Variants in UQCC1 observed in about 807,000 individuals in gnomAD.
UQCC1 encodes the protein bFGF-repressed Zic-binding protein.
Under a neutral mutation model 48.0 loss-of-function variants are expected in UQCC1, and 38 were observed. The observed-to-expected ratio is 0.79, with a 90% CI of 0.61 to 1.04. The LOEUF (loss-of-function observed/expected upper bound fraction) is 1.04, where lower values mean the gene tolerates loss of function less well. Among genes scored for constraint, UQCC1 ranks in the 50% least tolerant of loss-of-function variants. UQCC1 has a pLI of 0.00. For synonymous variants in UQCC1, 111 were observed against 129.2 expected, an observed-to-expected ratio of 0.86 and a Z score of 0.95; for missense variants, 368 against 381.8, an observed-to-expected ratio of 0.96 and a Z score of 0.30.
intron 1 of UQCC1, among the ~76,000 whole-genome samples, chr20:35,395,980 CTTTT>C (rs1000858624): frequency 2.0e-5 from 2 of 99,204 alleles, no homozygotes; most frequent in Non-Finnish European, 3.8e-5. Flanking sequence ...TTTGCAATGT[CTTTT>C]TTTTTTTTTT....
chr20:35,374,185 T>G lies in UQCC1; in HGVS notation c.405A>C (p.Leu135=), dbSNP rs1568690446. 6.2e-7 allele frequency: 1 copy of G among 1,609,976 alleles called. No homozygotes were observed. Among genetic ancestry groups the G allele is most frequent in the South Asian group, 1.1e-5 (1 of 90,630 alleles). The change falls in exon 5 of 10, where the codon CTA becomes CTC. Residue 135 remains leucine (L), a splice_region_variant and synonymous_variant. Coordinates refer to ENST00000374385, the MANE Select transcript of UQCC1 (RefSeq NM_018244.5). Reference sequence around the variant, plus strand: ...CAGTACTATCAAACAATAACTTACTTAGAAAGAATTCCTCGAAGTCAGTTT... The same window carrying G: ...CAGTACTATCAAACAATAACTTACTGAGAAAGAATTCCTCGAAGTCAGTTT... ...VEKTDFEEFF[L]RCQMPDTFNS... is the part of the protein sequence containing the mutation.
intron 2 of UQCC1, among the ~76,000 whole-genome samples, chr20:35,393,342 CATTAA>C (rs1004033254): frequency 3.4e-4 from 51 of 152,038 alleles, no homozygotes; most frequent in African/African-American, 1.2e-3. Flanking sequence ...ATTATATGGT[CATTAA>C]ATTTTTAATT....
intron 2 of UQCC1, chr20:35,392,336 A>AT: frequency 8.0e-7 from 1 of 1,254,660 alleles, no homozygotes; most frequent in Non-Finnish European, 1.1e-6. Flanking sequence ...GGTCCAGTTG[A>AT]TTTACAATGA....
At chr20:35,404,475 G>T (rs1167378256) in intron 1 of UQCC1, among the ~76,000 whole-genome samples, 1 of 151,972 alleles carries the variant, frequency 6.6e-6, no homozygotes, top group Non-Finnish European at 1.5e-5. Context: ...GGGAGGTGGA[G>T]CTTGCAGTGA....
At chr20:35,312,865 A>C (rs1300187272) in intron 8 of UQCC1, among the ~76,000 whole-genome samples, 1 of 152,166 alleles carries the variant, frequency 6.6e-6, no homozygotes, top group Non-Finnish European at 1.5e-5. Context: ...TCATAGAGAC[A>C]TAAAGTCAAA....
intron 7 of UQCC1, among the ~76,000 whole-genome samples, chr20:35,319,663 G>A (rs1453947451): frequency 6.6e-6 from 1 of 152,102 alleles, no homozygotes; most frequent in Non-Finnish European, 1.5e-5. Flanking sequence ...AAAAAAGGAA[G>A]GGATGCAAGA....
chr20:35,355,688 T>TAAAAACC (rs1387243117), intron 6 of UQCC1, among the ~76,000 whole-genome samples: 1 of 152,128 alleles, frequency 6.6e-6, no homozygotes, highest in Non-Finnish European at 1.5e-5. Flanking sequence ...TACATAGTAA[T>TAAAAACC]AAAAACCAAG....
rs35947113 is a variant in UQCC1, at chr20:35,355,884, C to CTT, written c.465-8614_465-8613dup. On this transcript the variant is annotated intron_variant, in intron 6 of 9. Coordinates refer to ENST00000374385, the MANE Select transcript of UQCC1 (RefSeq NM_018244.5). ...TGTGCTAGCATTCTACACATACTAT[C>CTT]TTTTTTTTTTTTTTTTTGAAACAAG... 2.1e-3 allele frequency among the ~76,000 whole-genome samples: 297 copies of CTT among 140,314 alleles called. 2 individuals are homozygous for CTT. The highest frequency in any genetic ancestry group is 7.2e-3 in the African/African-American group (275 of 37,986). 92.1% of individuals were successfully genotyped at this position (140,314 alleles called of 152,430 possible). A position where few individuals can be genotyped will look rare whatever the true frequency, so the allele number is the denominator to read the frequency against.
chr20:35,348,747 G>A (rs372289223), intron 6 of UQCC1, among the ~76,000 whole-genome samples: 5 of 152,066 alleles, frequency 3.3e-5, no homozygotes, highest in South Asian at 4.1e-4. Flanking sequence ...TCAACCTCCC[G>A]GGCTTAAGGG....
chr20:35,396,039 C>A (rs1164509984), intron 1 of UQCC1, among the ~76,000 whole-genome samples: 1 of 126,966 alleles, frequency 7.9e-6, no homozygotes, highest in African/African-American at 2.9e-5. Flanking sequence ...GGCTGGAATG[C>A]AGGGCCATGA....
At chr20:35,394,260 A>T (rs916860610) in intron 1 of UQCC1, 64 bp from the exon 2 acceptor site, 2 of 1,367,040 alleles carry the variant, frequency 1.5e-6, no homozygotes, top group Non-Finnish European at 2.1e-6. Flanking sequence ...GAAGGCAAAG[A>T]GTGTACCTGT....
chr20:35,306,732 G>C lies in UQCC1; in HGVS notation c.699C>G (p.Thr233=). ...DHGLAAALWR[T]FFNRKCEDPR... ...GGTCTTCACATTTCCGGTTGAAGAAGGTTCTCCAGAGGGCAGCGGCCAGCC... is the reference window on the plus strand; with the variant it reads ...GGTCTTCACATTTCCGGTTGAAGAACGTTCTCCAGAGGGCAGCGGCCAGCC... The change falls in exon 9 of 10, where the codon ACC becomes ACG. Residue 233 remains threonine, a synonymous_variant. Transcript: ENST00000374385. 1 of 1,614,050 alleles carries C rather than the reference G, an allele frequency of 6.2e-7. No individual in the cohort carries two copies. Among genetic ancestry groups the C allele is most frequent in the Non-Finnish European group, 8.5e-7 (1 of 1,180,022 alleles).
chr20:35,351,151 G>C (rs1444728951), intron 6 of UQCC1, among the ~76,000 whole-genome samples: 1 of 152,140 alleles, frequency 6.6e-6, no homozygotes, highest in African/African-American at 2.4e-5. Flanking sequence ...AGCACTTTGG[G>C]AGGCTGAGGT....
intron 7 of UQCC1, among the ~76,000 whole-genome samples, chr20:35,323,049 G>A (rs973434843): frequency 5.3e-5 from 8 of 152,080 alleles, no homozygotes; most frequent in South Asian, 2.1e-4. Context: ...GGGTTTCACC[G>A]TGTTAGCCAG....
At chr20:35,306,813 G>A (rs772733545) in intron 8 of UQCC1, 34 bp from the exon 9 acceptor site, 4 of 1,539,246 alleles carry the variant, frequency 2.6e-6, no homozygotes, top group Non-Finnish European at 3.6e-6. Context: ...GTCTCCTGAG[G>A]GATCCACAGA....
chr20:35,410,812 C>T (rs1245759090), intron 1 of UQCC1, among the ~76,000 whole-genome samples: 1 of 149,118 alleles, frequency 6.7e-6, no homozygotes, highest in Non-Finnish European at 1.5e-5. Flanking sequence ...TGCCATTTCC[C>T]CAGCAGTCCT....
intron 5 of UQCC1, among the ~76,000 whole-genome samples, chr20:35,369,212 C>T (rs1010862795): frequency 3.9e-5 from 6 of 152,168 alleles, no homozygotes; most frequent in African/African-American, 1.2e-4. Context: ...TCTGGGGTCA[C>T]CTCAGGGCTG....
At chr20:35,325,021 G>T (rs1485028670) in intron 7 of UQCC1, among the ~76,000 whole-genome samples, 1 of 152,142 alleles carries the variant, frequency 6.6e-6, no homozygotes, top group Non-Finnish European at 1.5e-5. Context: ...ATAAAATTTT[G>T]ATATATGCTA....
intron 2 of UQCC1, among the ~76,000 whole-genome samples, chr20:35,388,035 C>T (rs941984871): frequency 4.6e-5 from 7 of 150,996 alleles, no homozygotes; most frequent in South Asian, 4.2e-4. Context: ...GGCTGGAATG[C>T]GGTGGCATGA....
Sources: gnomAD v4.1 joint callset for allele counts (sites outside exome capture counted in the v4.1 genomes callset) on GRCh38, gnomAD v4.1.1 for gene constraint, MANE v1.5 for transcripts, NCBI Gene and HGNC (gene_info 2026-07-23, HGNC 2026-07-21) for gene names.